Variants in DTL observed in about 807,000 individuals in gnomAD.
DTL encodes the protein denticleless E3 ubiquitin protein ligase adapter.
DTL carries 46 observed loss-of-function variants against 87.0 expected under a neutral mutation model. That is an observed-to-expected ratio of 0.53 (90% CI 0.42 to 0.68). DTL has a LOEUF of 0.68. Ranked by LOEUF, DTL falls within the 30% of genes least tolerant of loss-of-function variation. The pLI, the probability that DTL is intolerant of heterozygous loss-of-function variation, is 0.00. For missense variants in DTL, 737 were observed against 869.4 expected (o/e 0.85, Z 1.91); for synonymous variants, 308 against 311.2 (o/e 0.99, Z 0.11).
At chr1:212,039,083 A>G (rs1667567707) in intron 1 of DTL, among the ~76,000 whole-genome samples, 1 of 152,112 alleles carries the variant, frequency 6.6e-6, no homozygotes, top group Admixed American at 6.5e-5. Context: ...TCTTTTACTG[A>G]TCACTCTGTC....
chr1:212,098,377 A>G (rs879771302), intron 13 of DTL, among the ~76,000 whole-genome samples: 3 of 152,160 alleles, frequency 2.0e-5, no homozygotes, highest in African/African-American at 4.8e-5. Flanking sequence ...TGGCACTTTC[A>G]AGAGAGTATC....
chr1:212,103,634 A>G lies in DTL; in HGVS notation c.*694A>G, dbSNP rs1056525215. The G allele has an allele frequency of 2.6e-5, 4 of 152,150 alleles. No homozygotes were observed. The highest frequency in any genetic ancestry group is 7.2e-5 in the African/African-American group (3 of 41,426). 9.4% of individuals were successfully genotyped at this position (152,150 alleles called of 1,614,324 possible). Reference sequence around the variant, plus strand: ...TGTTTGTCTTTTTTCTCTCAAATATATCTCCCGTATGAGATTTCAGGTCCC... The same window carrying G: ...TGTTTGTCTTTTTTCTCTCAAATATGTCTCCCGTATGAGATTTCAGGTCCC... On this transcript the variant is annotated 3_prime_UTR_variant, in exon 15 of 15. Transcript: ENST00000366991.
In DTL at chr1:212,035,924, C is replaced by A; in HGVS notation, c.34C>A (p.Leu12Ile). The A allele has an allele frequency of 6.2e-7, 1 of 1,614,200 alleles. No individual in the cohort carries two copies. Among genetic ancestry groups the A allele is most frequent in the East Asian group, 2.2e-5 (1 of 44,884 alleles). ...CAATTCGGTGCTCCGCCAGCCCCAG[C>A]TTGGCGTCCTGAGAAATGGTGAGTA... The part of the protein sequence containing the change: ...LFNSVLRQPQ[L>I]GVLRNGWSSQ... The change falls in exon 1 of 15, where the codon CTT (leucine) becomes ATT (isoleucine). Residue 12 changes from leucine to isoleucine, a missense_variant. Transcript: ENST00000366991.
At chr1:212,046,365 T>C (rs1194429277) in intron 3 of DTL, among the ~76,000 whole-genome samples, 3 of 152,092 alleles carry the variant, frequency 2.0e-5, no homozygotes, top group Non-Finnish European at 4.4e-5. Flanking sequence ...GCCGTGGTGG[T>C]TTGCTGCACA....
chr1:212,060,101 A>G (rs750799014), intron 5 of DTL, among the ~76,000 whole-genome samples: 52 of 152,186 alleles, frequency 3.4e-4, no homozygotes, highest in Non-Finnish European at 6.3e-4. Flanking sequence ...TACTACCCCA[A>G]GCAATCTACA....
intron 13 of DTL, among the ~76,000 whole-genome samples, chr1:212,088,903 A>G (rs1346392257): frequency 1.3e-5 from 2 of 152,166 alleles, no homozygotes; most frequent in Non-Finnish European, 2.9e-5. Flanking sequence ...TCTTGCCAAC[A>G]TGGCAAAACC....
Position 212,091,486 on chromosome 1 carries a change from G to A in DTL, c.1262-8766G>A, listed in dbSNP as rs952745880. Among the ~76,000 whole-genome samples the A allele has an allele frequency of 2.6e-5, 4 of 152,110 alleles. No individual in the cohort carries two copies. The East Asian group carries it at 7.7e-4, about 29-fold the overall frequency. ...AAAAGTGATCGCAGTATGTGGAAGCGATACCTGCACTCCAATGTTCACTGC... is the reference window on the plus strand; with the variant it reads ...AAAAGTGATCGCAGTATGTGGAAGCAATACCTGCACTCCAATGTTCACTGC... On this transcript the variant is annotated intron_variant, in intron 13 of 14. Transcript: ENST00000366991.
chr1:212,041,592 G>A (rs1271168141), intron 1 of DTL, among the ~76,000 whole-genome samples: 4 of 152,052 alleles, frequency 2.6e-5, no homozygotes, highest in South Asian at 4.2e-4. Context: ...GGCACGCTCC[G>A]CCTCCCAGGT....
At chr1:212,078,308 G>GT (rs1208525602) in intron 12 of DTL, 46 bp downstream of exon 12, 3 of 1,180,668 alleles carry the variant, frequency 2.5e-6, no homozygotes, top group Non-Finnish European at 3.7e-6. Flanking sequence ...TAGATCACAG[G>GT]TTTGTAGGTT....
chr1:212,070,424 C>T (rs949920348), intron 10 of DTL, among the ~76,000 whole-genome samples: 10 of 152,084 alleles, frequency 6.6e-5, no homozygotes, highest in Non-Finnish European at 8.8e-5. Context: ...GCCTGGGCAA[C>T]ATGGTGAAAC....
intron 5 of DTL, chr1:212,051,442 C>CTTTT (rs958429363): frequency 2.0e-5 from 4 of 197,216 alleles, no homozygotes; most frequent in Admixed American, 1.3e-4. Flanking sequence ...ATATGAAATT[C>CTTTT]TTTTTTTTTT....
chr1:212,052,844 G>A (rs1484870062), intron 5 of DTL, among the ~76,000 whole-genome samples: 2 of 151,654 alleles, frequency 1.3e-5, no homozygotes, highest in Non-Finnish European at 2.9e-5. Context: ...AAATGAACAA[G>A]CCATAAAATT....
intron 13 of DTL, among the ~76,000 whole-genome samples, chr1:212,095,240 G>A (rs1323987292): frequency 6.6e-6 from 1 of 152,094 alleles, no homozygotes; most frequent in African/African-American, 2.4e-5. Flanking sequence ...TGTCATGGAT[G>A]GCTTTTATTA....
intron 5 of DTL, among the ~76,000 whole-genome samples, chr1:212,059,302 T>G (rs1254709699): frequency 1.4e-5 from 2 of 142,508 alleles, no homozygotes; most frequent in Admixed American, 1.4e-4. Context: ...AACAGCACAT[T>G]AAAAAAAAAA....
At chr1:212,084,269 C>T (rs531843461) in intron 13 of DTL, among the ~76,000 whole-genome samples, 1 of 150,122 alleles carries the variant, frequency 6.7e-6, no homozygotes, top group Non-Finnish European at 1.5e-5. Context: ...GTGGCATGAT[C>T]TCAGCTCACT....
chr1:212,066,744 C>G, intron 7 of DTL, 68 bp from the exon 8 acceptor site: 1 of 1,490,832 alleles, frequency 6.7e-7, no homozygotes, highest in South Asian at 1.2e-5. Context: ...TTTTTTAGCA[C>G]CTTGTTCCCT....
chr1:212,074,182 G>A (rs535254323), intron 11 of DTL, among the ~76,000 whole-genome samples: 1 of 151,432 alleles, frequency 6.6e-6, no homozygotes, highest in South Asian at 2.1e-4. Flanking sequence ...AATTACATGT[G>A]TGTTGTATAG....
chr1:212,060,183 A>C (rs956737495), intron 5 of DTL, among the ~76,000 whole-genome samples: 1 of 152,252 alleles, frequency 6.6e-6, no homozygotes, highest in Non-Finnish European at 1.5e-5. Context: ...CTTAAAATTT[A>C]TGTGGAGCCA....
intron 7 of DTL, 53 bp downstream of exon 7, chr1:212,065,082 T>G (rs1360178231): frequency 7.9e-7 from 1 of 1,269,362 alleles, no homozygotes; most frequent in East Asian, 2.3e-5. Flanking sequence ...TAGGATAGAA[T>G]AAATGGGAGG....
Sources: gnomAD v4.1 joint callset for allele counts (sites outside exome capture counted in the v4.1 genomes callset) on GRCh38, gnomAD v4.1.1 for gene constraint, MANE v1.5 for transcripts, NCBI Gene and HGNC (gene_info 2026-07-23, HGNC 2026-07-21) for gene names.